Variants in CAPN13 observed in about 807,000 individuals in gnomAD.
The protein encoded by CAPN13 is calpain-13.
In CAPN13, 90 loss-of-function variants were observed where a neutral mutation model predicts 98.4. The observed-to-expected ratio is 0.92, with a 90% confidence interval of 0.77 to 1.09. The LOEUF (loss-of-function observed/expected upper bound fraction) is 1.09, where lower values mean the gene tolerates loss of function less well. Ranked by LOEUF, CAPN13 falls within the 50% of genes least tolerant of loss-of-function variation. The pLI, the probability that CAPN13 is intolerant of heterozygous loss-of-function variation, is 0.00. For missense variants in CAPN13, 887 were observed against 841.3 expected (o/e 1.05, Z -0.67); for synonymous variants, 330 against 305.5 (o/e 1.08, Z -0.84).
At chr2:30,750,127 C>T (rs1011533521) in intron 11 of CAPN13, among the ~76,000 whole-genome samples, 2 of 152,144 alleles carry the variant, frequency 1.3e-5, no homozygotes, top group Admixed American at 1.3e-4. Flanking sequence ...AAATATTATG[C>T]AGCCACAAAA....
chr2:30,727,154 A>G (rs561320009), intron 22 of CAPN13, among the ~76,000 whole-genome samples: 2 of 152,356 alleles, frequency 1.3e-5, no homozygotes, highest in African/African-American at 4.8e-5. Context: ...TGAAATTAGA[A>G]CGTTACTTCA....
At chr2:30,799,196 G>A (rs1251770309) in intron 1 of CAPN13, among the ~76,000 whole-genome samples, 3 of 152,058 alleles carry the variant, frequency 2.0e-5, no homozygotes, top group Admixed American at 6.5e-5. Flanking sequence ...AAGAGAGAGT[G>A]GGTGGGAGAG....
chr2:30,736,135 G>T (rs1671352505), intron 18 of CAPN13, among the ~76,000 whole-genome samples: 1 of 148,190 alleles, frequency 6.7e-6, no homozygotes, highest in Admixed American at 7.0e-5. Context: ...GAGGCCTCAG[G>T]CCACATCTAT....
Position 30,736,732 on chromosome 2 carries a change from A to G in CAPN13, c.1654-161T>C. The G allele has an allele frequency of 4.7e-6, 3 of 639,118 alleles. 1 individual carries two copies. In the South Asian group the frequency reaches 5.7e-5, roughly 12 times the overall value. 39.6% of individuals were successfully genotyped at this position (639,118 alleles called of 1,614,324 possible). A position where few individuals can be genotyped will look rare whatever the true frequency, so the allele number is the denominator to read the frequency against. On this transcript the variant is annotated intron_variant, in intron 17 of 22. Coordinates refer to ENST00000295055, the MANE Select transcript of CAPN13 (RefSeq NM_144575.3). ...CCAGCTGGCTCCCGCTGTGTCTGAA[A>G]GGGACCTGGCTTAGATTTGTTTTAC...
chr2:30,761,341 T>C (rs1037090350), intron 7 of CAPN13, among the ~76,000 whole-genome samples: 1 of 152,100 alleles, frequency 6.6e-6, no homozygotes, highest in Non-Finnish European at 1.5e-5. Context: ...GTGTACACTA[T>C]GGGGGCACAA....
At chr2:30,725,600 C>G (rs1050317766) in intron 22 of CAPN13, among the ~76,000 whole-genome samples, 3 of 152,184 alleles carry the variant, frequency 2.0e-5, no homozygotes, top group African/African-American at 7.2e-5. Context: ...TCGCTTAACT[C>G]AGGACAAAGA....
chr2:30,750,362 C>T lies in CAPN13; in HGVS notation c.1236+741G>A, dbSNP rs567279566. Among the ~76,000 whole-genome samples, 16 of 152,210 alleles carry T rather than the reference C, an allele frequency of 1.1e-4. No homozygotes were observed. The East Asian group carries it at 2.3e-3, about 22-fold the overall frequency. On this transcript the variant is annotated intron_variant, in intron 11 of 22. Transcript: ENST00000295055. ...GAAAAGATGACTACTGGGTACTGAG[C>T]TTAATACCTGGGTAATGAAATAATC...
At chr2:30,736,710 G>A in intron 17 of CAPN13, 139 bp from the exon 18 acceptor site, 1 of 705,580 alleles carries the variant, frequency 1.4e-6, no homozygotes, top group Admixed American at 2.4e-5. Flanking sequence ...CCCCATGCCA[G>A]CTGGCTCCCG....
At chr2:30,763,250 G>A in intron 6 of CAPN13, 94 bp from the exon 7 acceptor site, 2 of 1,101,278 alleles carry the variant, frequency 1.8e-6, no homozygotes, top group Admixed American at 4.0e-5. Flanking sequence ...AGCCATCTGG[G>A]CCTCACTGAC....
At chr2:30,774,732 A>T (rs1673596725) in intron 4 of CAPN13, among the ~76,000 whole-genome samples, 1 of 152,188 alleles carries the variant, frequency 6.6e-6, no homozygotes. Flanking sequence ...TTCAAAGAAC[A>T]GTTAATCAAT....
chr2:30,770,550 C>T (rs1673351164), intron 4 of CAPN13, 101 bp from the exon 5 acceptor site: 1 of 1,377,190 alleles, frequency 7.3e-7, no homozygotes, highest in Non-Finnish European at 1.0e-6. Flanking sequence ...CTCTACAATG[C>T]AATAATGAAC....
intron 7 of CAPN13, among the ~76,000 whole-genome samples, chr2:30,759,567 G>A (rs1672721224): frequency 6.6e-6 from 1 of 152,232 alleles, no homozygotes; most frequent in Non-Finnish European, 1.5e-5. Flanking sequence ...AGAAGGACAA[G>A]TCTGAATAGA....
chr2:30,731,534 C>CCTGT, intron 20 of CAPN13, 135 bp from the exon 21 acceptor site: 1 of 675,872 alleles, frequency 1.5e-6, no homozygotes, highest in South Asian at 2.2e-5. Context: ...GCGGGGTGTG[C>CCTGT]CTGTCACCCA....
intron 14 of CAPN13, 79 bp downstream of exon 14, chr2:30,742,247 T>G (rs889150611): frequency 1.6e-5 from 23 of 1,467,368 alleles, no homozygotes; most frequent in African/African-American, 5.6e-5. Flanking sequence ...CAGCGGGAGG[T>G]GTAAAGAAGG....
chr2:30,752,245 G>A (rs2147991685), intron 10 of CAPN13, among the ~76,000 whole-genome samples: 1 of 152,324 alleles, frequency 6.6e-6, no homozygotes, highest in East Asian at 1.9e-4. Flanking sequence ...GTGCCCAGAG[G>A]AAGGGATGCA....
At chr2:30,775,135 G>C (rs1449553606) in intron 4 of CAPN13, among the ~76,000 whole-genome samples, 2 of 152,124 alleles carry the variant, frequency 1.3e-5, no homozygotes. Context: ...AAAGAATTAA[G>C]AACTAATAAA....
chr2:30,736,692 G>A (rs1671384716), intron 17 of CAPN13, 121 bp from the exon 18 acceptor site: 1 of 860,492 alleles, frequency 1.2e-6, no homozygotes, highest in Non-Finnish European at 1.9e-6. Context: ...ATTGTCACCT[G>A]GATGTGGCCC....
At chr2:30,724,049 A>G (rs2103475632) in intron 22 of CAPN13, among the ~76,000 whole-genome samples, 1 of 152,260 alleles carries the variant, frequency 6.6e-6, no homozygotes, top group African/African-American at 2.4e-5. Flanking sequence ...TCAATTTTAA[A>G]TGCCTATTGA....
At chr2:30,763,178 C>A in intron 6 of CAPN13, 22 bp from the exon 7 acceptor site, 1 of 1,601,842 alleles carries the variant, frequency 6.2e-7, no homozygotes, top group African/African-American at 1.3e-5. Flanking sequence ...AAAAGCAGAT[C>A]AAACATTAGA....
Sources: allele counts gnomAD v4.1 joint callset (sites outside exome capture counted in the v4.1 genomes callset), GRCh38; gene constraint gnomAD v4.1.1; transcripts MANE v1.5; gene names NCBI Gene and HGNC (gene_info 2026-07-23, HGNC 2026-07-21).